The following NPAS3 variants were observed in gnomAD, a reference collection of about 807,000 sequenced individuals.
The protein encoded by NPAS3 is neuronal PAS domain-containing protein 3.
In NPAS3, 14 loss-of-function variants were observed where a neutral mutation model predicts 73.1. That is an observed-to-expected ratio of 0.19 (90% confidence interval 0.13 to 0.30). The LOEUF is 0.30. Among genes scored for constraint, NPAS3 ranks in the 10% least tolerant of loss-of-function variants. NPAS3 has a pLI of 1.00. For synonymous variants in NPAS3, 620 were observed against 541.5 expected (o/e 1.14, Z -2.01); for missense variants, 1,096 against 1,250.0 (o/e 0.88, Z 1.86).
intron 3 of NPAS3, among the ~76,000 whole-genome samples, chr14:33,309,323 C>T (rs2042908325): frequency 6.6e-6 from 1 of 152,142 alleles, no homozygotes; most frequent in African/African-American, 2.4e-5. Flanking sequence ...TTGACTAGGC[C>T]GTCAGCCCCT....
At chr14:33,022,982 T>G (rs10146726) in intron 1 of NPAS3, among the ~76,000 whole-genome samples, 15,167 of 152,044 alleles carry the variant, frequency 0.1, 875 homozygotes, top group Non-Finnish European at 0.13. Context: ...ATTTTTAATC[T>G]AAAACTGTTA....
At chr14:33,722,007 T>C (rs1327009497) in intron 6 of NPAS3, among the ~76,000 whole-genome samples, 1 of 152,196 alleles carries the variant, frequency 6.6e-6, no homozygotes, top group Non-Finnish European at 1.5e-5. Context: ...CTGGAGTCCC[T>C]GCTGTTGAGA....
intron 4 of NPAS3, among the ~76,000 whole-genome samples, chr14:33,543,671 G>A (rs2054620374): frequency 6.6e-6 from 1 of 152,048 alleles, no homozygotes; most frequent in Non-Finnish European, 1.5e-5. Context: ...CCTCCTCTAG[G>A]TTGGCTTCAT....
At chr14:33,432,338 T>C (rs1359472027) in intron 4 of NPAS3, among the ~76,000 whole-genome samples, 1 of 152,226 alleles carries the variant, frequency 6.6e-6, no homozygotes, top group African/African-American at 2.4e-5. Flanking sequence ...TTTACACAGC[T>C]TGTGAGGACT....
At chr14:33,803,715 A>C (rs2063768482), downstream of NPAS3, 1 of 123,308 alleles carries the variant, frequency 8.1e-6, no homozygotes, top group African/African-American at 3.7e-5. Context: ...AAAATGAAAA[A>C]AAAAAAAAAA....
chr14:33,725,577 A>G (rs1405811400), intron 6 of NPAS3, among the ~76,000 whole-genome samples: 1 of 152,046 alleles, frequency 6.6e-6, no homozygotes, highest in Non-Finnish European at 1.5e-5. Context: ...TCACCCTCTG[A>G]ACAAAGCCCC....
chr14:32,939,252 C>A, upstream of NPAS3: 1 of 658,466 alleles, frequency 1.5e-6, no homozygotes, highest in African/African-American at 1.9e-5. Flanking sequence ...CCCGCCCGCC[C>A]ACGCCCCCCA....
rs575906434 is a variant in NPAS3 at position 33,243,907 on chromosome 14, T to C, written c.385+28481T>C. Among the ~76,000 whole-genome samples, 30 of 152,294 alleles carry C rather than the reference T, an allele frequency of 2.0e-4. 1 individual carries two copies. The highest frequency in any genetic ancestry group is 6.8e-3 in the Middle Eastern group (2 of 294). ...GTATTAGTCTGAAACATCATTAATG[T>C]TCTCTAAAGGGAAAAATTACTATTG... is the stretch of plus-strand genomic sequence containing the variant. On this transcript the variant is annotated intron_variant, in intron 3 of 11. Coordinates refer to ENST00000356141, the Ensembl canonical transcript of NPAS3.
chr14:33,055,411 C>T (rs139915871), intron 1 of NPAS3, among the ~76,000 whole-genome samples: 79 of 152,244 alleles, frequency 5.2e-4, no homozygotes, highest in African/African-American at 1.7e-3. Flanking sequence ...GAATCGCATT[C>T]CTTTATAAGT....
At chr14:33,704,181 A>C (rs2140462540) in intron 6 of NPAS3, among the ~76,000 whole-genome samples, 1 of 152,344 alleles carries the variant, frequency 6.6e-6, no homozygotes, top group Non-Finnish European at 1.5e-5. Flanking sequence ...AATTTTTAGG[A>C]ATAAAGAATG....
chr14:33,799,879 C>G, exon 12 of NPAS3: 1 of 1,614,194 alleles, frequency 6.2e-7, no homozygotes, highest in South Asian at 1.1e-5. Context: ...GTAACCCGGA[C>G]AGCCGCGACA....
At chr14:33,455,989 G>C (rs190559954) in intron 4 of NPAS3, among the ~76,000 whole-genome samples, 24 of 152,274 alleles carry the variant, frequency 1.6e-4, no homozygotes, top group African/African-American at 5.8e-4. Context: ...TTTGTGGGAA[G>C]GAATATGGCA....
intron 2 of NPAS3, among the ~76,000 whole-genome samples, chr14:33,147,730 A>AAAAAAAAAAAATATATATAT (rs372663411): frequency 7.7e-6 from 1 of 130,388 alleles, no homozygotes; most frequent in African/African-American, 3.2e-5. Flanking sequence ...TAGAATAAAA[A>AAAAAAAAAAAATATATATAT]ATATATATAT....
At chr14:33,521,152 A>C (rs1275207636) in intron 4 of NPAS3, among the ~76,000 whole-genome samples, 1 of 152,096 alleles carries the variant, frequency 6.6e-6, no homozygotes, top group Non-Finnish European at 1.5e-5. Flanking sequence ...TACAGTTTTC[A>C]AGGTGCTTTT....
chr14:33,061,050 A>G (rs1303760892), intron 2 of NPAS3, among the ~76,000 whole-genome samples: 1 of 152,204 alleles, frequency 6.6e-6, no homozygotes, highest in African/African-American at 2.4e-5. Context: ...ATGAGTGAAG[A>G]AGGAGGGAAC....
intron 3 of NPAS3, among the ~76,000 whole-genome samples, chr14:33,238,285 G>T (rs11625448): frequency 0.12 from 18,477 of 151,976 alleles, 1,517 homozygotes; most frequent in Non-Finnish European, 0.19. Context: ...AATGAATTCT[G>T]TTAATATGCA....
chr14:33,747,497 A>G lies in NPAS3; in HGVS notation c.852+12165A>G, dbSNP rs149039806. On this transcript the variant is annotated intron_variant, in intron 7 of 11. Coordinates refer to ENST00000356141, the Ensembl canonical transcript of NPAS3. ...AGGGATGCCCCCCATCCCACCATCA[A>G]ATGAAAAGAGTGACCTCATCACAAT... Among the ~76,000 whole-genome samples, 550 of 152,326 alleles carry G rather than the reference A, an allele frequency of 3.6e-3. 2 individuals are homozygous for G. Among genetic ancestry groups the G allele is most frequent in the African/African-American group, 0.013 (532 of 41,582 alleles).
upstream of NPAS3, among the ~76,000 whole-genome samples, chr14:32,935,581 C>A (rs1028122608): frequency 6.6e-6 from 1 of 152,180 alleles, no homozygotes; most frequent in Non-Finnish European, 1.5e-5. Flanking sequence ...CATTATAATG[C>A]AAATGCATAA....
At chr14:33,693,150 C>A (rs1384349263) in intron 6 of NPAS3, among the ~76,000 whole-genome samples, 1 of 152,308 alleles carries the variant, frequency 6.6e-6, no homozygotes, top group Non-Finnish European at 1.5e-5. Context: ...ATTTTGACCT[C>A]TGGTAAGCTA....
Sources: gnomAD v4.1 joint callset for allele counts (sites outside exome capture counted in the v4.1 genomes callset) on GRCh38, gnomAD v4.1.1 for gene constraint, MANE v1.5 for transcripts, NCBI Gene and HGNC (gene_info 2026-07-23, HGNC 2026-07-21) for gene names.